The following SYTL5 variants were observed in gnomAD, a reference collection of about 807,000 sequenced individuals.
The protein encoded by SYTL5 is synaptotagmin-like protein 5.
Under a neutral mutation model 55.9 loss-of-function variants are expected in SYTL5, and 34 were observed. The ratio of observed to expected loss-of-function variants is 0.61; its 90% CI spans 0.46 to 0.81. SYTL5 has a LOEUF of 0.81. SYTL5 is among the 30% of genes least tolerant of loss of function. SYTL5 has a pLI of 0.00. For synonymous variants in SYTL5, 221 were observed against 188.7 expected (o/e 1.17, Z -1.40); for missense variants, 637 against 546.7 (o/e 1.17, Z -1.65).
the SYTL5 span, among the ~76,000 whole-genome samples, chrX:37,960,743 C>T: frequency 1.0e-4 from 11 of 107,400 alleles, no homozygotes; most frequent in Admixed American, 1.1e-3. Context: ...ATTTTTTTTT[C>T]CTAGTCTGTT....
At chrX:37,981,588 C>T in the SYTL5 span, among the ~76,000 whole-genome samples, 6 of 111,509 alleles carry the variant, frequency 5.4e-5, no homozygotes, top group African/African-American at 9.8e-5. Context: ...TGAGCCACCG[C>T]GCCCGGCCTG....
At chrX:38,090,747 T>A (rs1366026249) in intron 7 of SYTL5, among the ~76,000 whole-genome samples, 1 of 112,744 alleles carries the variant, frequency 8.9e-6, no homozygotes, top group Non-Finnish European at 1.9e-5. Context: ...AGCACTGATA[T>A]TCAGCAGGTA....
chrX:38,114,948 T>G (rs1021596034), intron 13 of SYTL5, among the ~76,000 whole-genome samples: 2 of 112,174 alleles, frequency 1.8e-5, no homozygotes, highest in East Asian at 5.6e-4. Flanking sequence ...AGTGAGGTCA[T>G]GCAGTGTTCA....
the SYTL5 span, among the ~76,000 whole-genome samples, chrX:37,907,339 T>C: frequency 8.9e-6 from 1 of 112,247 alleles, no homozygotes; most frequent in East Asian, 2.8e-4. Context: ...GAATTGTCAT[T>C]TGTTTTATAA....
chrX:37,945,037 A>T, the SYTL5 span, among the ~76,000 whole-genome samples: 1 of 113,089 alleles, frequency 8.8e-6, no homozygotes, highest in Non-Finnish European at 1.9e-5. Flanking sequence ...TTAACTTTAC[A>T]TATATGTTAT....
the SYTL5 span, among the ~76,000 whole-genome samples, chrX:37,932,060 T>C: frequency 2.7e-5 from 3 of 112,115 alleles, no homozygotes; most frequent in Admixed American, 9.5e-5. Context: ...GTTTTAGTAA[T>C]TGAATATTAT....
At chrX:37,971,534 T>TAAC in the SYTL5 span, among the ~76,000 whole-genome samples, 2,725 of 110,030 alleles carry the variant, frequency 0.025, 34 homozygotes, top group South Asian at 0.048. Flanking sequence ...ACAACAACAA[T>TAAC]AACAACAACA....
In SYTL5 at chrX:38,017,497, T is replaced by C. The variant is rs192811182; in HGVS notation, c.-357+10829T>C. Among the ~76,000 whole-genome samples, 8 of 106,103 alleles carry C rather than the reference T, an allele frequency of 7.5e-5. No homozygotes were observed. The Admixed American group carries it at 7.9e-4, about 10-fold the overall frequency. 92.1% of individuals were successfully genotyped at this position (106,103 alleles called of 115,157 possible). A position where few individuals can be genotyped will look rare whatever the true frequency, so the allele number is the denominator to read the frequency against. ...GTGATATACTTGACTCCCAGTTCAT[T>C]AGACTTAACTAACTGCTCCTCCCAT... On this transcript the variant is annotated intron_variant, in intron 1 of 16. Transcript: ENST00000297875.
intron 2 of SYTL5, among the ~76,000 whole-genome samples, chrX:38,041,650 TATAATTACATTTAGGG>T (rs887373502): frequency 2.7e-5 from 3 of 112,183 alleles, no homozygotes; most frequent in African/African-American, 9.7e-5. Flanking sequence ...AATTTCAATA[TATAATTACATTTAGGG>T]AAACTAACTT....
intron 2 of SYTL5, among the ~76,000 whole-genome samples, chrX:38,043,657 G>GTGTGTGTATATATA (rs1569165878): frequency 2.5e-5 from 1 of 39,387 alleles, no homozygotes; most frequent in Non-Finnish European, 4.0e-5. Context: ...ATGTATGTAT[G>GTGTGTGTATATATA]TATGTATATA....
chrX:37,895,457 C>CTG, the SYTL5 span, among the ~76,000 whole-genome samples: 1 of 90,223 alleles, frequency 1.1e-5, no homozygotes, highest in African/African-American at 5.5e-5. Flanking sequence ...TCCTTCCTTC[C>CTG]CTCCCTCCCT....
chrX:37,964,524 T>C, the SYTL5 span, among the ~76,000 whole-genome samples: 1 of 111,503 alleles, frequency 9.0e-6, no homozygotes, highest in Admixed American at 9.6e-5. Context: ...TTTGCATCTA[T>C]ATTCTTCAGG....
intron 2 of SYTL5, among the ~76,000 whole-genome samples, chrX:38,039,865 A>AT (rs947085837): frequency 6.3e-5 from 7 of 110,810 alleles, no homozygotes; most frequent in Non-Finnish European, 1.1e-4. Context: ...CTCAAAAAAA[A>AT]TTTTTTTTAT....
chrX:37,892,625 CATATATTAGTATATATGT>C, the SYTL5 span, among the ~76,000 whole-genome samples: 3 of 86,651 alleles, frequency 3.5e-5, no homozygotes, highest in African/African-American at 4.4e-5. Flanking sequence ...TACATATATA[CATATATTAGTATATATGT>C]ATATATTAGT....
chrX:37,998,889 C>T, the SYTL5 span, among the ~76,000 whole-genome samples: 1 of 112,565 alleles, frequency 8.9e-6, no homozygotes, highest in Non-Finnish European at 1.9e-5. Flanking sequence ...TTTAAATCTC[C>T]AACTCTAATG....
the SYTL5 span, among the ~76,000 whole-genome samples, chrX:37,924,215 C>T: frequency 9.0e-6 from 1 of 111,696 alleles, no homozygotes; most frequent in East Asian, 2.8e-4. Flanking sequence ...CTACGTAGGG[C>T]ATCCAGCTTT....
At chrX:38,049,655 G>C (rs149159744) in intron 2 of SYTL5, among the ~76,000 whole-genome samples, 2 of 111,669 alleles carry the variant, frequency 1.8e-5, no homozygotes, top group African/African-American at 6.5e-5. Flanking sequence ...CCAGCATTTA[G>C]TATCATGACA....
Position 38,062,506 on chromosome X carries a change from A to G in SYTL5, c.329+8084A>G, listed in dbSNP as rs144994911. Among the ~76,000 whole-genome samples the G allele has an allele frequency of 5.9e-3, 659 of 112,041 alleles. 6 individuals are homozygous for G. The highest frequency in any genetic ancestry group is 8.9e-3 in the Non-Finnish European group (475 of 53,202). On this transcript the variant is annotated intron_variant, in intron 3 of 16. Coordinates refer to ENST00000297875, the MANE Select transcript of SYTL5 (RefSeq NM_138780.3). ...CAGTAAAATAGATTTCAAAAAAGAT[A>G]ATACTGATGGATGGAACATACACAG...
chrX:38,050,393 A>G (rs1205736445), intron 2 of SYTL5, among the ~76,000 whole-genome samples: 2 of 112,112 alleles, frequency 1.8e-5, no homozygotes, highest in African/African-American at 6.5e-5. Flanking sequence ...AAAACATTCA[A>G]TATATCACTA....
Sources: allele counts gnomAD v4.1 joint callset (sites outside exome capture counted in the v4.1 genomes callset), GRCh38; gene constraint gnomAD v4.1.1; transcripts MANE v1.5; gene names NCBI Gene and HGNC (gene_info 2026-07-23, HGNC 2026-07-21).